DOCK4: variants seen among roughly 807,000 people sequenced by gnomAD.
The protein encoded by DOCK4 is dedicator of cytokinesis protein 4.
DOCK4 carries 97 observed loss-of-function variants against 268.1 expected under a neutral mutation model. The ratio of observed to expected loss-of-function variants is 0.36; its 90% CI spans 0.31 to 0.43. The LOEUF (loss-of-function observed/expected upper bound fraction) is 0.43, where lower values mean the gene tolerates loss of function less well. Among genes scored for constraint, DOCK4 ranks in the 20% least tolerant of loss-of-function variants. DOCK4 has a pLI of 1.00. For synonymous variants in DOCK4, 954 were observed against 887.2 expected (o/e 1.08, Z -1.34); for missense variants, 2,145 against 2,455.7 (o/e 0.87, Z 2.67).
intron 1 of DOCK4, among the ~76,000 whole-genome samples, chr7:112,078,499 A>C (rs1254203859): frequency 2.0e-5 from 3 of 152,184 alleles, no homozygotes; most frequent in East Asian, 1.9e-4. Context: ...GCACATAGAG[A>C]GACGATTTAG....
chr7:112,093,627 C>T (rs1000738185), intron 1 of DOCK4, among the ~76,000 whole-genome samples: 2 of 152,138 alleles, frequency 1.3e-5, no homozygotes, highest in African/African-American at 4.8e-5. Context: ...ATGAGAAATG[C>T]TGCATAAGCA....
chr7:111,897,044 C>T (rs1322975035), intron 15 of DOCK4, among the ~76,000 whole-genome samples: 2 of 152,122 alleles, frequency 1.3e-5, no homozygotes, highest in Non-Finnish European at 2.9e-5. Flanking sequence ...GACATCTTGA[C>T]GACATTGAGT....
chr7:111,788,644 G>GATA lies in DOCK4; in HGVS notation c.3401+15_3401+17dup. 4 of 1,562,186 alleles carry GATA rather than the reference G, an allele frequency of 2.6e-6. No homozygotes were observed. The highest frequency in any genetic ancestry group is 3.5e-6 in the Non-Finnish European group (4 of 1,149,872). On this transcript the variant is annotated intron_variant, in intron 32 of 52. Transcript: ENST00000428084. ...ATCCCCCAGAATGGAATCAACTTGA[G>GATA]ATAAACATATTACTCACATACTGTT...
intron 1 of DOCK4, among the ~76,000 whole-genome samples, chr7:112,136,817 G>A (rs1257876412): frequency 6.6e-6 from 1 of 152,096 alleles, no homozygotes; most frequent in Non-Finnish European, 1.5e-5. Flanking sequence ...GAGAGAGAGA[G>A]GGCTGACATT....
At chr7:111,747,163 A>G in intron 43 of DOCK4, 104 bp downstream of exon 43, 1 of 1,063,104 alleles carries the variant, frequency 9.4e-7, no homozygotes, top group South Asian at 1.9e-5. Flanking sequence ...TCGCAGCCCT[A>G]TGTTTGCGTG....
At chr7:111,847,393 A>G (rs1259565320) in intron 23 of DOCK4, among the ~76,000 whole-genome samples, 1 of 151,986 alleles carries the variant, frequency 6.6e-6, no homozygotes, top group African/African-American at 2.4e-5. Context: ...TCTAAATTAC[A>G]TGCTTCTCTT....
intron 8 of DOCK4, among the ~76,000 whole-genome samples, chr7:111,959,978 T>C (rs750517751): frequency 6.6e-6 from 1 of 152,230 alleles, no homozygotes; most frequent in African/African-American, 2.4e-5. Flanking sequence ...TCAGCAATTC[T>C]ATGAGCCCTC....
chr7:111,952,203 G>A (rs78728025), intron 8 of DOCK4, among the ~76,000 whole-genome samples: 12,358 of 152,166 alleles, frequency 0.081, 684 homozygotes, highest in East Asian at 0.34. Context: ...AATTACACCT[G>A]TGACCAACTG....
chr7:112,196,092 C>G (rs552510551), intron 1 of DOCK4, among the ~76,000 whole-genome samples: 14 of 152,280 alleles, frequency 9.2e-5, no homozygotes, highest in African/African-American at 3.1e-4. Flanking sequence ...GTTGCCTTCC[C>G]GCTTCCATAG....
chr7:111,728,288 C>A lies in DOCK4; in HGVS notation c.5914G>T (p.Val1972Phe), dbSNP rs758662721. 1.3e-6 allele frequency: 2 copies of A among 1,497,436 alleles called. No homozygotes were observed. Among genetic ancestry groups the A allele is most frequent in the African/African-American group, 2.8e-5 (2 of 71,076 alleles). The allele number at this position is 1,497,436 out of a possible 1,614,324, so 92.8% of individuals were successfully genotyped here. ...GPRPRPLPRK[V>F]SQL ...AGAAAAGTGACTTATAACTGAGAGA[C>A]CTTGCGGGGCAGGGGCCTGGGCCGC... Residue 1972 changes from valine (V) to phenylalanine (F), a missense_variant, in exon 53 of 53, where the codon GTC (valine) becomes TTC (phenylalanine). Transcript: ENST00000428084.
At chr7:111,862,276 G>A (rs1182741460) in intron 23 of DOCK4, among the ~76,000 whole-genome samples, 1 of 151,856 alleles carries the variant, frequency 6.6e-6, no homozygotes, top group East Asian at 1.9e-4. Context: ...TCCAGCCTGG[G>A]CAACAGAGCA....
chr7:111,893,201 C>T (rs983877548), intron 16 of DOCK4, among the ~76,000 whole-genome samples: 4 of 152,196 alleles, frequency 2.6e-5, no homozygotes, highest in African/African-American at 9.6e-5. Flanking sequence ...GGAATTAATA[C>T]CTGTTTGACT....
At chr7:111,856,567 T>C (rs574501293) in intron 23 of DOCK4, among the ~76,000 whole-genome samples, 2 of 152,212 alleles carry the variant, frequency 1.3e-5, no homozygotes, top group African/African-American at 4.8e-5. Flanking sequence ...AAAATCATTA[T>C]GTGGGCAAAT....
At chr7:112,176,321 C>T (rs1047128782) in intron 1 of DOCK4, among the ~76,000 whole-genome samples, 3 of 152,096 alleles carry the variant, frequency 2.0e-5, no homozygotes, top group African/African-American at 7.2e-5. Flanking sequence ...TATCACCACC[C>T]TCACCCAATG....
rs1011414596 is a variant in DOCK4 at position 111,965,091 on chromosome 7, C to G, written c.701+12041G>C. Among the ~76,000 whole-genome samples the G allele has an allele frequency of 1.3e-4, 12 of 93,496 alleles. 2 individuals are homozygous for G. Among genetic ancestry groups the G allele is most frequent in the African/African-American group, 7.5e-5 (1 of 13,310 alleles). The allele number at this position is 93,496 out of a possible 152,430, so 61.3% of individuals were successfully genotyped here. On this transcript the variant is annotated intron_variant, in intron 8 of 52. Transcript: ENST00000428084. The stretch of plus-strand genomic sequence containing the variant: ...GGAAAGGAACAACCGGTACCAGCCG[C>G]TGCAAAATCATGCCAAACTGTAAAG...
chr7:111,934,520 T>A (rs1345030241), intron 12 of DOCK4, among the ~76,000 whole-genome samples: 1 of 136,106 alleles, frequency 7.3e-6, no homozygotes, highest in Non-Finnish European at 1.5e-5. Flanking sequence ...TTGTTTTGTT[T>A]TTGTTTTTTT....
At chr7:112,000,790 G>A (rs1045259588) in intron 2 of DOCK4, among the ~76,000 whole-genome samples, 1 of 152,112 alleles carries the variant, frequency 6.6e-6, no homozygotes, top group African/African-American at 2.4e-5. Flanking sequence ...TGTGAATAAA[G>A]GCTTTAAAAT....
intron 36 of DOCK4, among the ~76,000 whole-genome samples, chr7:111,775,178 T>A (rs1175784745): frequency 6.6e-6 from 1 of 152,234 alleles, no homozygotes; most frequent in Non-Finnish European, 1.5e-5. Flanking sequence ...CAGGGTCTTC[T>A]GACTGAGTAA....
intron 1 of DOCK4, chr7:112,023,618 GC>G (rs1802529533): frequency 2.2e-6 from 1 of 451,630 alleles, no homozygotes. Context: ...ATATTGAAGG[GC>G]TTTTGTTTGT....
Sources: gnomAD v4.1 joint callset for allele counts (sites outside exome capture counted in the v4.1 genomes callset) on GRCh38, gnomAD v4.1.1 for gene constraint, MANE v1.5 for transcripts, NCBI Gene and HGNC (gene_info 2026-07-23, HGNC 2026-07-21) for gene names.